PRDM16: variants seen among roughly 807,000 people sequenced by gnomAD.
The protein encoded by PRDM16 is histone-lysine N-methyltransferase PRDM16.
In PRDM16, 23 loss-of-function variants were observed where a neutral mutation model predicts 110.6. The ratio of observed to expected loss-of-function variants is 0.21; its 90% CI spans 0.15 to 0.29. The LOEUF is 0.29. Ranked by LOEUF, PRDM16 falls within the 10% of genes least tolerant of loss-of-function variation. The pLI is 1.00. For synonymous variants in PRDM16, 799 were observed against 781.8 expected, an observed-to-expected ratio of 1.02 and a Z score of -0.37; for missense variants, 1,615 against 1,794.3, an observed-to-expected ratio of 0.90 and a Z score of 1.81.
chr1:3,130,108 G>A (rs963054947), intron 1 of PRDM16, among the ~76,000 whole-genome samples: 3 of 152,166 alleles, frequency 2.0e-5, no homozygotes, highest in African/African-American at 4.8e-5. Flanking sequence ...CCTGGGCTGC[G>A]TGCTCAGTGT....
At chr1:3,256,842 G>A (rs1203435842) in intron 3 of PRDM16, among the ~76,000 whole-genome samples, 2 of 149,860 alleles carry the variant, frequency 1.3e-5, no homozygotes, top group Non-Finnish European at 3.0e-5. Context: ...GGGCGACAGA[G>A]TGCGACTCCA....
At chr1:3,105,943 G>A (rs1254815289) in intron 1 of PRDM16, among the ~76,000 whole-genome samples, 1 of 101,362 alleles carries the variant, frequency 9.9e-6, no homozygotes, top group African/African-American at 6.7e-5. Context: ...AGTGTGCCCC[G>A]GGGTCCACCT....
intron 2 of PRDM16, among the ~76,000 whole-genome samples, chr1:3,242,054 C>A (rs900290251): frequency 3.9e-5 from 6 of 152,222 alleles, no homozygotes; most frequent in African/African-American, 1.4e-4. Context: ...TGCACTTTCC[C>A]ACTGGGAACA....
intron 3 of PRDM16, among the ~76,000 whole-genome samples, chr1:3,354,155 C>T (rs1032689820): frequency 1.1e-4 from 16 of 152,196 alleles, no homozygotes; most frequent in African/African-American, 3.9e-4. Flanking sequence ...ATTTGAGACG[C>T]TGCAGATAAA....
intron 3 of PRDM16, among the ~76,000 whole-genome samples, chr1:3,311,761 T>C (rs1641466058): frequency 1.3e-5 from 2 of 152,068 alleles, no homozygotes; most frequent in East Asian, 3.9e-4. Context: ...TCTGCCTCCT[T>C]CCCCAAGGAA....
intron 1 of PRDM16, among the ~76,000 whole-genome samples, chr1:3,124,247 G>C (rs1458110512): frequency 6.6e-6 from 1 of 152,180 alleles, no homozygotes; most frequent in African/African-American, 2.4e-5. Context: ...GGCCGGCAGT[G>C]GGGACAAGAC....
rs986184779 is a variant in PRDM16, at chr1:3,080,854, C to T, written c.37+11558C>T. On this transcript the variant is annotated intron_variant, in intron 1 of 16. Transcript: ENST00000270722. This position sits in a 1 kb window ranked among gnomAD's most constrained non-coding sequence, Gnocchi z 5.2. The stretch of plus-strand genomic sequence containing the variant: ...CAGAGCCCCAGAGACTCGGCGTCTC[C>T]GACCCTGAGCCCACATGAGTAGCAG... 5.9e-5 allele frequency among the ~76,000 whole-genome samples: 9 copies of T among 152,128 alleles called. No individual in the cohort carries two copies. The highest frequency in any genetic ancestry group is 1.2e-4 in the African/African-American group (5 of 41,432).
chr1:3,189,693 C>T (rs1638250358), intron 2 of PRDM16, among the ~76,000 whole-genome samples: 1 of 152,186 alleles, frequency 6.6e-6, no homozygotes, highest in African/African-American at 2.4e-5. Flanking sequence ...TCATTTTGGC[C>T]TCCCTCCGTG....
intron 2 of PRDM16, among the ~76,000 whole-genome samples, chr1:3,202,757 G>A (rs749960585): frequency 2.6e-5 from 4 of 152,136 alleles, no homozygotes; most frequent in Middle Eastern, 6.3e-3. Flanking sequence ...AGAGGAGGAC[G>A]GCTCAGGCTC....
intron 6 of PRDM16, among the ~76,000 whole-genome samples, chr1:3,403,868 G>A (rs1032391047): frequency 5.9e-5 from 9 of 152,142 alleles, no homozygotes; most frequent in Non-Finnish European, 8.8e-5. Flanking sequence ...GGGGATTACC[G>A]CCCATCCCCG....
chr1:3,307,591 G>A (rs887418518), intron 3 of PRDM16: 3 of 152,212 alleles, frequency 2.0e-5, no homozygotes, highest in African/African-American at 7.2e-5. Context: ...GGTGACTAAC[G>A]TTCTCAGTCA....
intron 3 of PRDM16, among the ~76,000 whole-genome samples, chr1:3,252,785 T>G (rs574814179): frequency 2.0e-5 from 3 of 152,206 alleles, no homozygotes; most frequent in African/African-American, 7.2e-5. Flanking sequence ...CTGGGACCAC[T>G]GAGCAGCAGT....
chr1:3,417,749 C>G (rs944096076), intron 10 of PRDM16, 79 bp from the exon 11 acceptor site: 15 of 1,222,476 alleles, frequency 1.2e-5, no homozygotes, highest in Non-Finnish European at 1.8e-5. Context: ...TGCTGTTGTA[C>G]AGAACCCCCA....
In PRDM16 at chr1:3,396,545, G is replaced by A. The variant is rs760972158; in HGVS notation, c.628G>A (p.Val210Met). ...GCCAGGTGAGGAGCTGCTGGTGCAC[G>A]TGAAGGAAGGCGTCTACCCCCTGGG... ...IEPGEELLVHVKEGVYPLGTV... is the reference protein window; with the variant it reads ...IEPGEELLVHMKEGVYPLGTV... Residue 210 changes from valine to methionine, a missense_variant, in exon 5 of 17, where the codon GTG becomes ATG. Val to Met is a conservative substitution (Grantham distance 21). Around this residue, in one of 5 missense-constraint regions of PRDM16, gnomAD observed 416 missense variants for 467.1 expected, o/e 0.89. Coordinates refer to ENST00000270722, the MANE Select transcript of PRDM16 (RefSeq NM_022114.4). The A allele has an allele frequency of 2.0e-5, 32 of 1,606,992 alleles. No individual in the cohort carries two copies. The highest frequency in any genetic ancestry group is 6.7e-5 in the South Asian group (6 of 89,424).
At chr1:3,383,551 C>T (rs1569633621) in intron 3 of PRDM16, among the ~76,000 whole-genome samples, 2 of 152,314 alleles carry the variant, frequency 1.3e-5, no homozygotes, top group Non-Finnish European at 1.5e-5. Context: ...CCACATGCTT[C>T]CCCATTGATT....
intron 3 of PRDM16, among the ~76,000 whole-genome samples, chr1:3,286,555 A>G (rs1163079906): frequency 1.2e-4 from 18 of 152,112 alleles, no homozygotes; most frequent in Non-Finnish European, 5.9e-5. Flanking sequence ...ATTGACATGC[A>G]GGAGAGGAGA....
At chr1:3,319,621 G>A (rs1263138937) in intron 3 of PRDM16, among the ~76,000 whole-genome samples, 1 of 152,114 alleles carries the variant, frequency 6.6e-6, no homozygotes, top group Non-Finnish European at 1.5e-5. Context: ...GCGTGGAGGC[G>A]TCAGGCGCTC....
chr1:3,131,780 C>T lies in PRDM16; in HGVS notation c.38-54345C>T, dbSNP rs369202394. On this transcript the variant is annotated intron_variant, in intron 1 of 16. Coordinates refer to ENST00000270722, the MANE Select transcript of PRDM16 (RefSeq NM_022114.4). ...GCCCCGCAAACCTCACAGGGGAGGC[C>T]GTGGCCCAGGCTGCGTCCTGCAGTG... Among the ~76,000 whole-genome samples the T allele has an allele frequency of 4.3e-4, 66 of 152,270 alleles. 2 individuals are homozygous for T. The highest frequency in any genetic ancestry group is 1.4e-3 in the African/African-American group (60 of 41,568).
Position 3,433,726 on chromosome 1 carries a change from C to A in PRDM16, c.3746C>A (p.Pro1249His). Residue 1249 changes from proline to histidine, a missense_variant, in exon 17 of 17, where the codon CCC (proline) becomes CAC (histidine). Around this residue, in one of 5 missense-constraint regions of PRDM16, gnomAD observed 327 missense variants for 359.3 expected, o/e 0.91. Transcript: ENST00000270722. ...TCCGAAGACACTCCTCTCCACACCC[C>A]CTCCCAGGGTTCTCTGGACGCTTGG... ...SLSEDTPLHT[P>H]SQGSLDAWLK... 3.1e-6 allele frequency: 5 copies of A among 1,614,036 alleles called. No individual in the cohort carries two copies. Among genetic ancestry groups the A allele is most frequent in the Non-Finnish European group, 4.2e-6 (5 of 1,179,952 alleles).
Sources: allele counts gnomAD v4.1 joint callset (sites outside exome capture counted in the v4.1 genomes callset), GRCh38; gene constraint gnomAD v4.1.1; regional missense constraint gnomAD v4.1.1; non-coding constraint Gnocchi (gnomAD v3.1); transcripts MANE v1.5; gene names NCBI Gene and HGNC (gene_info 2026-07-23, HGNC 2026-07-21).